Variants in TMEM178B observed in about 807,000 individuals in gnomAD.
The protein encoded by TMEM178B is transmembrane protein 178B.
Under a neutral mutation model 31.0 loss-of-function variants are expected in TMEM178B, and 5 were observed. The observed-to-expected ratio is 0.16, with a 90% CI of 0.08 to 0.34. The LOEUF is 0.34. Among genes scored for constraint, TMEM178B ranks in the 10% least tolerant of loss-of-function variants. The probability of loss-of-function intolerance (pLI) is 1.00; values close to 1 mark genes in which losing one functional copy is unlikely to be tolerated. For missense variants in TMEM178B, 275 were observed against 400.3 expected, an observed-to-expected ratio of 0.69 and a Z score of 2.67; for synonymous variants, 164 against 164.0, an observed-to-expected ratio of 1.00 and a Z score of 0.00.
At chr7:141,343,225 C>G (rs1799549611) in intron 2 of TMEM178B, among the ~76,000 whole-genome samples, 2 of 152,192 alleles carry the variant, frequency 1.3e-5, no homozygotes, top group African/African-American at 2.4e-5. Context: ...CCTTGCATTG[C>G]GTATGACAAA....
chr7:141,314,804 C>G (rs1798973433), intron 2 of TMEM178B, among the ~76,000 whole-genome samples: 1 of 152,226 alleles, frequency 6.6e-6, no homozygotes, highest in Non-Finnish European at 1.5e-5. Flanking sequence ...TCTCCTCCCA[C>G]TGAGACCTCA....
intron 2 of TMEM178B, among the ~76,000 whole-genome samples, chr7:141,280,693 A>C (rs1300675652): frequency 6.6e-6 from 1 of 152,186 alleles, no homozygotes; most frequent in Non-Finnish European, 1.5e-5. Flanking sequence ...AGCTTTCTTT[A>C]GCATGGAGTT....
rs1554478049 is a variant in TMEM178B, at chr7:141,344,574, C to CCCTTCCTCCCTTCCTTCCTT, written c.497-93027_497-93026insCCCTTCCTTCCTTCCTTCCT. On this transcript the variant is annotated intron_variant, in intron 2 of 3. Coordinates refer to ENST00000565468, the MANE Select transcript of TMEM178B (RefSeq NM_001195278.2). This position sits in a 1 kb window ranked among gnomAD's most constrained non-coding sequence, Gnocchi z 4.1. Reference sequence around the variant, plus strand: ...CTCCCTCCCTCCATTCCTCCCTCCTCCCTTCCTTCCTTCCTTCCTTCCTTC... The same window carrying CCCTTCCTCCCTTCCTTCCTT: ...CTCCCTCCCTCCATTCCTCCCTCCTCCCTTCCTCCCTTCCTTCCTTCCTTCCTTCCTTCCTTCCTTCCTTC... Among the ~76,000 whole-genome samples the CCCTTCCTCCCTTCCTTCCTT allele has an allele frequency of 7.3e-6, 1 of 137,236 alleles. No individual in the cohort carries two copies. Among genetic ancestry groups the CCCTTCCTCCCTTCCTTCCTT allele is most frequent in the African/African-American group, 2.8e-5 (1 of 36,058 alleles). The allele number at this position is 137,236 out of a possible 152,430, so 90.0% of individuals were successfully genotyped here.
intron 2 of TMEM178B, among the ~76,000 whole-genome samples, chr7:141,305,867 A>G (rs1798807862): frequency 6.6e-6 from 1 of 151,784 alleles, no homozygotes; most frequent in African/African-American, 2.4e-5. Flanking sequence ...GCTCTTTTCC[A>G]CAATGCTGGT....
chr7:141,213,364 T>C (rs1797079216), intron 2 of TMEM178B, among the ~76,000 whole-genome samples: 1 of 152,198 alleles, frequency 6.6e-6, no homozygotes, highest in Non-Finnish European at 1.5e-5. Flanking sequence ...CAGAGTTTGT[T>C]GGCTATTTTT....
intron 2 of TMEM178B, among the ~76,000 whole-genome samples, chr7:141,432,421 C>T (rs1801452875): frequency 6.6e-6 from 1 of 152,218 alleles, no homozygotes; most frequent in Non-Finnish European, 1.5e-5. Flanking sequence ...TCCCAACGTG[C>T]TGGGATTACA....
the TMEM178B span, among the ~76,000 whole-genome samples, chr7:141,507,526 C>T: frequency 2.4e-3 from 369 of 152,316 alleles, 3 homozygotes; most frequent in Middle Eastern, 6.8e-3. Context: ...GTGTGCATCA[C>T]CATGCCCAGC....
intron 1 of TMEM178B, among the ~76,000 whole-genome samples, chr7:141,134,624 A>G (rs113502373): frequency 1.3e-5 from 2 of 152,358 alleles, no homozygotes; most frequent in African/African-American, 2.4e-5. Context: ...AACAAAGAAT[A>G]TACAAAACAA....
chr7:141,280,721 C>T (rs1329453208), intron 2 of TMEM178B, among the ~76,000 whole-genome samples: 1 of 152,134 alleles, frequency 6.6e-6, no homozygotes, highest in Non-Finnish European at 1.5e-5. Flanking sequence ...AGAAAACATA[C>T]ATTTAAATGA....
At chr7:141,096,175 C>T (rs1355297249) in intron 1 of TMEM178B, among the ~76,000 whole-genome samples, 1 of 152,218 alleles carries the variant, frequency 6.6e-6, no homozygotes, top group East Asian at 1.9e-4. Context: ...TATTTTGTTA[C>T]ACTATGCTTT....
chr7:141,075,421 T>C (rs1794586471), intron 1 of TMEM178B, among the ~76,000 whole-genome samples: 1 of 152,178 alleles, frequency 6.6e-6, no homozygotes, highest in South Asian at 2.1e-4. Context: ...AAAATGTATA[T>C]AAAAATTCCC....
Position 141,461,392 on chromosome 7 carries a change from G to T in TMEM178B, c.635-9144G>T, listed in dbSNP as rs1323962032. 6.6e-6 allele frequency among the ~76,000 whole-genome samples: 1 copy of T among 152,236 alleles called. No homozygotes were observed. The highest frequency in any genetic ancestry group is 1.5e-5 in the Non-Finnish European group (1 of 68,044). On this transcript the variant is annotated intron_variant, in intron 3 of 3. Coordinates refer to ENST00000565468, the MANE Select transcript of TMEM178B (RefSeq NM_001195278.2). This position sits in a 1 kb window ranked among gnomAD's most constrained non-coding sequence, Gnocchi z 4.0. ...TCCTGGGAGCAGAAAATGTCACACA[G>T]ATGGATATCTGGATCTAGAAACCTG...
intron 1 of TMEM178B, among the ~76,000 whole-genome samples, chr7:141,123,724 TCTC>T (rs1427557207): frequency 6.6e-6 from 1 of 152,154 alleles, no homozygotes; most frequent in East Asian, 1.9e-4. Context: ...ACTGCTTACT[TCTC>T]CTTTCTTAGA....
intron 2 of TMEM178B, among the ~76,000 whole-genome samples, chr7:141,433,443 G>A (rs1801475343): frequency 6.6e-6 from 1 of 152,156 alleles, no homozygotes; most frequent in South Asian, 2.1e-4. Context: ...GACAGCATCC[G>A]TCAGCCCTGC....
At chr7:141,189,617 T>TCTGGTATATAAGGTCAGGGCGA (rs1796665654) in intron 1 of TMEM178B, among the ~76,000 whole-genome samples, 1 of 152,138 alleles carries the variant, frequency 6.6e-6, no homozygotes, top group Non-Finnish European at 1.5e-5. Flanking sequence ...AGTTACCCAG[T>TCTGGTATATAAGGTCAGGGCGA]CTGGTATATA....
chr7:141,266,681 T>C (rs1208706957), intron 2 of TMEM178B, among the ~76,000 whole-genome samples: 1 of 152,200 alleles, frequency 6.6e-6, no homozygotes, highest in Non-Finnish European at 1.5e-5. Flanking sequence ...TTGGTGCCTT[T>C]AGTCTCAGGG....
Position 141,074,214 on chromosome 7 carries a change from T to G in TMEM178B, c.-97T>G. On this transcript the variant is annotated 5_prime_UTR_variant, in exon 1 of 4. Coordinates refer to ENST00000565468, the MANE Select transcript of TMEM178B (RefSeq NM_001195278.2). The surrounding 1 kb of genome is among the most constrained non-coding windows in gnomAD (Gnocchi z 5.1). ...CGGCGCGAGTCCCTCTCCTGCCCCCTCCCCCAGCTCGGCCGCCCGCCGCTT... is the reference window on the plus strand; with the variant it reads ...CGGCGCGAGTCCCTCTCCTGCCCCCGCCCCCAGCTCGGCCGCCCGCCGCTT... 7.0e-7 allele frequency: 1 copy of G among 1,426,828 alleles called. No individual in the cohort carries two copies. Among genetic ancestry groups the G allele is most frequent in the Non-Finnish European group, 9.2e-7 (1 of 1,092,220 alleles). 88.4% of individuals were successfully genotyped at this position (1,426,828 alleles called of 1,614,324 possible). A position where few individuals can be genotyped will look rare whatever the true frequency, so the allele number is the denominator to read the frequency against.
intron 1 of TMEM178B, among the ~76,000 whole-genome samples, chr7:141,167,628 G>C (rs1796283163): frequency 6.6e-6 from 1 of 152,186 alleles, no homozygotes; most frequent in Admixed American, 6.5e-5. Context: ...CTCACAAAGG[G>C]CTTCCCTTCA....
chr7:141,505,888 G>A, the TMEM178B span, among the ~76,000 whole-genome samples: 2,266 of 152,284 alleles, frequency 0.015, 48 homozygotes, highest in African/African-American at 0.048. Flanking sequence ...CAATGGTGTC[G>A]TAGTAGACCA....
Sources: allele counts gnomAD v4.1 joint callset (sites outside exome capture counted in the v4.1 genomes callset), GRCh38; gene constraint gnomAD v4.1.1; non-coding constraint Gnocchi (gnomAD v3.1); transcripts MANE v1.5; gene names NCBI Gene and HGNC (gene_info 2026-07-23, HGNC 2026-07-21).